TCP11L1: variants seen among roughly 807,000 people sequenced by gnomAD.
The protein encoded by TCP11L1 is T-complex protein 11-like protein 1.
In TCP11L1, 28 loss-of-function variants were observed where a neutral mutation model predicts 48.9. The ratio of observed to expected loss-of-function variants is 0.57; its 90% CI spans 0.42 to 0.78. The LOEUF (loss-of-function observed/expected upper bound fraction) is 0.78, where lower values mean the gene tolerates loss of function less well. Among genes scored for constraint, TCP11L1 ranks in the 30% least tolerant of loss-of-function variants. TCP11L1 has a pLI of 0.00. For synonymous variants in TCP11L1, 204 were observed against 231.9 expected, an observed-to-expected ratio of 0.88 and a Z score of 1.09; for missense variants, 505 against 613.4, an observed-to-expected ratio of 0.82 and a Z score of 1.87.
At chr11:33,049,769 G>T (rs1433696695) in intron 2 of TCP11L1, among the ~76,000 whole-genome samples, 1 of 152,146 alleles carries the variant, frequency 6.6e-6, no homozygotes, top group Non-Finnish European at 1.5e-5. Context: ...ACATTCTATT[G>T]CCCAGGGATG....
At chr11:33,064,577 A>G (rs1854558983) in intron 7 of TCP11L1, among the ~76,000 whole-genome samples, 1 of 152,130 alleles carries the variant, frequency 6.6e-6, no homozygotes, top group Non-Finnish European at 1.5e-5. Context: ...TGGGGGAGGC[A>G]GTCATGGGAA....
intron 1 of TCP11L1, among the ~76,000 whole-genome samples, chr11:33,043,147 A>G (rs1291680336): frequency 6.6e-6 from 1 of 152,172 alleles, no homozygotes; most frequent in African/African-American, 2.4e-5. Flanking sequence ...AGGCAGGAGA[A>G]TTGCTGAAAC....
chr11:33,063,093 G>T (rs1039223569), intron 7 of TCP11L1, among the ~76,000 whole-genome samples: 1 of 152,118 alleles, frequency 6.6e-6, no homozygotes, highest in African/African-American at 2.4e-5. Flanking sequence ...TTAAACTCCT[G>T]GCCTCAAGTG....
intron 2 of TCP11L1, among the ~76,000 whole-genome samples, chr11:33,053,144 CT>C (rs10715921): frequency 0.37 from 42,863 of 115,892 alleles, 6,376 homozygotes; most frequent in African/African-American, 0.43. Context: ...CTATCAGAGA[CT>C]TTTTTTTTTT....
At chr11:33,069,213 G>A (rs892889323) in intron 9 of TCP11L1, among the ~76,000 whole-genome samples, 4 of 152,276 alleles carry the variant, frequency 2.6e-5, no homozygotes, top group East Asian at 1.9e-4. Flanking sequence ...AAGGTGAAGC[G>A]CTTTCCGTAG....
At chr11:33,052,508 G>A (rs11032124) in intron 2 of TCP11L1, among the ~76,000 whole-genome samples, 61,899 of 150,878 alleles carry the variant, frequency 0.41, 12,884 homozygotes, top group African/African-American at 0.48. Flanking sequence ...AAAAGAAAAA[G>A]GAAAGAAAAT....
At chr11:33,041,488 C>A (rs1435940745) in intron 1 of TCP11L1, among the ~76,000 whole-genome samples, 1 of 152,166 alleles carries the variant, frequency 6.6e-6, no homozygotes, top group Non-Finnish European at 1.5e-5. Flanking sequence ...CAGTGGCTCA[C>A]GCCTATAATC....
chr11:33,056,311 A>T (rs1017130177), intron 3 of TCP11L1, among the ~76,000 whole-genome samples: 1 of 151,832 alleles, frequency 6.6e-6, no homozygotes, highest in Non-Finnish European at 1.5e-5. Flanking sequence ...GTATTTCACC[A>T]TGTTGGCCAG....
At chr11:33,050,874 C>T (rs116300559) in intron 2 of TCP11L1, among the ~76,000 whole-genome samples, 2,382 of 151,162 alleles carry the variant, frequency 0.016, 69 homozygotes, top group African/African-American at 0.054. Context: ...AGTGCTGTGG[C>T]GGGGTCATGG....
chr11:33,058,089 T>G lies in TCP11L1; in HGVS notation c.588T>G (p.Asp196Glu). 6.2e-7 allele frequency: 1 copy of G among 1,614,096 alleles called. No homozygotes were observed. Among genetic ancestry groups the G allele is most frequent in the Non-Finnish European group, 8.5e-7 (1 of 1,180,022 alleles). ...GGACACTGTGTGCACCTGCTCGAGA[T>G]GAGGAAGTTAAGAAACTAAAGGACA... ...MMGTLCAPAR[D>E]EEVKKLKDIK... The change falls in exon 5 of 10, where the codon GAT (aspartate) becomes GAG (glutamate). Residue 196 changes from aspartate (D) to glutamate (E), a missense_variant. Asp to Glu is a conservative substitution (Grantham distance 45). Around this residue, in one of 3 missense-constraint regions of TCP11L1, gnomAD observed 335 missense variants for 413.3 expected, o/e 0.81. Coordinates refer to ENST00000334274, the MANE Select transcript of TCP11L1 (RefSeq NM_018393.4).
chr11:33,072,441 A>G (rs1253551912), intron 9 of TCP11L1, 33 bp from the exon 10 acceptor site: 5 of 1,612,162 alleles, frequency 3.1e-6, no homozygotes, highest in Non-Finnish European at 4.2e-6. Context: ...GTGAAGGACA[A>G]GAAACAACTG....
rs1854605599 is a variant in TCP11L1, at chr11:33,065,976, G to A, written c.1119G>A (p.Met373Ile). The change falls in exon 8 of 10, where the codon ATG becomes ATA. Residue 373 changes from methionine (M) to isoleucine (I), a missense_variant. Coordinates refer to ENST00000334274, the MANE Select transcript of TCP11L1 (RefSeq NM_018393.4). ...SQADFAEKLK[M>I]IVKILLTDMH... is the part of the protein sequence containing the mutation. ...CCGACTTTGCTGAGAAACTCAAGAT[G>A]ATTGTGAAGATTTTGCTAACAGATA... 1 of 1,614,036 alleles carries A rather than the reference G, an allele frequency of 6.2e-7. No homozygotes were observed. The highest frequency in any genetic ancestry group is 1.3e-5 in the African/African-American group (1 of 74,920).
intron 6 of TCP11L1, among the ~76,000 whole-genome samples, chr11:33,061,126 T>C (rs546460752): frequency 5.9e-5 from 9 of 152,116 alleles, no homozygotes; most frequent in Non-Finnish European, 1.3e-4. Context: ...CAGCTAATTT[T>C]TGTATCTTTT....
chr11:33,046,788 T>G (rs1854008701), intron 2 of TCP11L1, among the ~76,000 whole-genome samples: 1 of 152,226 alleles, frequency 6.6e-6, no homozygotes, highest in East Asian at 1.9e-4. Flanking sequence ...TTACAGACAT[T>G]TCCCCCAAAC....
rs2273548 is a variant in TCP11L1, at chr11:33,057,899, G to T, written c.418-20G>T. 623,725 of 1,581,274 alleles carry T rather than the reference G, an allele frequency of 0.39. 124,718 individuals are homozygous for T. The highest frequency in any genetic ancestry group is 0.48 in the African/African-American group (34,941 of 73,356). On this transcript the variant is annotated intron_variant, in intron 4 of 9. Coordinates refer to ENST00000334274, the MANE Select transcript of TCP11L1 (RefSeq NM_018393.4). ...GATGTCTAAAGAATTTTGATTAAAC[G>T]TAGCTGTGTTCTCTTGTAGACTCTC...
At chr11:33,061,417 A>C in intron 6 of TCP11L1, 113 bp from the exon 7 acceptor site, 10 of 1,067,020 alleles carry the variant, frequency 9.4e-6, no homozygotes, top group Non-Finnish European at 1.3e-5. Flanking sequence ...TTGATTCCAA[A>C]GTTCATACTT....
chr11:33,065,914 A>G lies in TCP11L1; in HGVS notation c.1057A>G (p.Thr353Ala), dbSNP rs1854603188. Residue 353 changes from threonine to alanine, a missense_variant, in exon 8 of 10, where the codon ACC (threonine) becomes GCC (alanine). By Grantham distance (58) the Thr-to-Ala change is moderately conservative. This residue lies in a region of TCP11L1 where 335 missense variants were observed against 413.3 expected (regional missense o/e 0.81). Coordinates refer to ENST00000334274, the MANE Select transcript of TCP11L1 (RefSeq NM_018393.4). ...LTILGAVLLVTFSMAAPGISS... is the reference protein window; with the variant it reads ...LTILGAVLLVAFSMAAPGISS... The stretch of plus-strand genomic sequence containing the variant: ...CATCCTGGGGGCTGTGTTGCTGGTC[A>G]CCTTCAGCATGGCAGCGCCAGGAAT... 2 of 1,614,180 alleles carry G rather than the reference A, an allele frequency of 1.2e-6. No individual in the cohort carries two copies. Among genetic ancestry groups the G allele is most frequent in the Non-Finnish European group, 8.5e-7 (1 of 1,180,012 alleles).
intron 2 of TCP11L1, among the ~76,000 whole-genome samples, chr11:33,051,298 G>T (rs1216534419): frequency 6.6e-6 from 1 of 151,864 alleles, no homozygotes; most frequent in Non-Finnish European, 1.5e-5. Flanking sequence ...CTCCCAAGTA[G>T]CTGGGACTAC....
intron 2 of TCP11L1, among the ~76,000 whole-genome samples, chr11:33,054,110 C>T (rs1854243516): frequency 1.3e-5 from 2 of 152,168 alleles, no homozygotes; most frequent in Non-Finnish European, 2.9e-5. Context: ...ACCACTGTGC[C>T]TAGCCTTGAT....
Sources: gnomAD v4.1 joint callset for allele counts (sites outside exome capture counted in the v4.1 genomes callset) on GRCh38, gnomAD v4.1.1 for gene constraint, gnomAD v4.1.1 regional missense constraint, MANE v1.5 for transcripts, NCBI Gene and HGNC (gene_info 2026-07-23, HGNC 2026-07-21) for gene names.